The following AADACL3 variants were observed in gnomAD, a reference collection of about 807,000 sequenced individuals.
AADACL3 encodes the protein arylacetamide deacetylase like 3, also known as arylacetamide deacetylase-like 3.
A neutral mutation model predicts 13.6 loss-of-function variants in AADACL3; 13 were observed. The ratio of observed to expected loss-of-function variants is 0.95; its 90% CI spans 0.62 to 1.52. The LOEUF (loss-of-function observed/expected upper bound fraction) is 1.52, where lower values mean the gene tolerates loss of function less well. Among genes scored for constraint, AADACL3 ranks in the 40% most tolerant of loss-of-function variants. The pLI is 0.00. For missense variants in AADACL3, 519 were observed against 499.2 expected (o/e 1.04, Z -0.38); for synonymous variants, 195 against 197.0 (o/e 0.99, Z 0.08).
chr1:12,721,995 C>T (rs1278918932), intron 3 of AADACL3, among the ~76,000 whole-genome samples: 1 of 152,192 alleles, frequency 6.6e-6, no homozygotes, highest in African/African-American at 2.4e-5. Flanking sequence ...GGGGGTACAT[C>T]TGCCAGCTTT....
Position 12,719,478 on chromosome 1 carries a change from A to T in AADACL3, c.172A>T (p.Met58Leu). 1.2e-6 allele frequency: 2 copies of T among 1,613,370 alleles called. No individual in the cohort carries two copies. Among genetic ancestry groups the T allele is most frequent in the Non-Finnish European group, 1.7e-6 (2 of 1,179,364 alleles). Residue 58 changes from methionine (M) to leucine (L), a missense_variant, in exon 2 of 4, where the codon ATG (methionine) becomes TTG (leucine). Transcript: ENST00000359318. ...TCATTTCTTCTCTCTCCAACAGGGG[A>T]TGATATTTGAGAAGCTCAGAATCTG... The part of the protein sequence containing the change: ...CIFQLLLTWG[M>L]IFEKLRICSM...
Position 12,725,718 on chromosome 1 carries a change from A to G in AADACL3, c.946A>G (p.Ser316Gly), listed in dbSNP as rs1638356947. 7.4e-6 allele frequency: 12 copies of G among 1,613,984 alleles called. No homozygotes were observed. Among genetic ancestry groups the G allele is most frequent in the Non-Finnish European group, 1.0e-5 (12 of 1,180,026 alleles). Residue 316 changes from serine to glycine, a missense_variant, in exon 4 of 4, where the codon AGT becomes GGT. Transcript: ENST00000359318. ...PMNEAAYLEV[S>G]VVLDVMCSPL... ...GAATGAAGCTGCTTACTTGGAAGTA[A>G]GTGTTGTCCTGGATGTGATGTGCTC...
At position 12,726,824 on chromosome 1, in the gene AADACL3, G is replaced by C. The variant is rs1275818986; in HGVS notation, c.*828G>C. On this transcript the variant is annotated 3_prime_UTR_variant, in exon 4 of 4. Transcript: ENST00000359318. ...AACCCTGTCCACAGTGCAAAGTCAA[G>C]ACAGCCAAAGGAACAGAAGATGTAT... 1 of 152,234 alleles carries C rather than the reference G, an allele frequency of 6.6e-6. No individual in the cohort carries two copies. Among genetic ancestry groups the C allele is most frequent in the African/African-American group, 2.4e-5 (1 of 41,458 alleles). 9.4% of individuals were successfully genotyped at this position (152,234 alleles called of 1,614,324 possible).
chr1:12,723,742 G>C (rs1287756211), intron 3 of AADACL3, among the ~76,000 whole-genome samples: 1 of 152,066 alleles, frequency 6.6e-6, no homozygotes, highest in Non-Finnish European at 1.5e-5. Context: ...GCCTCCCAAA[G>C]TGCTGGGATT....
rs1255585886 is a variant in AADACL3 at position 12,727,735 on chromosome 1, G to A, written c.*1739G>A. 6.6e-6 allele frequency: 1 copy of A among 152,268 alleles called. No individual in the cohort carries two copies. The highest frequency in any genetic ancestry group is 1.5e-5 in the Non-Finnish European group (1 of 68,070). The allele number at this position is 152,268 out of a possible 1,614,324, so 9.4% of individuals were successfully genotyped here. On this transcript the variant is annotated 3_prime_UTR_variant, in exon 4 of 4. Transcript: ENST00000359318. ...GTTGGAGAAATAGGAACCATCCCCT[G>A]AAAACACACACTATGGTAGCCACTC...
intron 3 of AADACL3, among the ~76,000 whole-genome samples, chr1:12,722,053 C>T (rs190921397): frequency 5.3e-5 from 8 of 152,236 alleles, no homozygotes; most frequent in South Asian, 2.1e-4. Context: ...GAGATGAAGC[C>T]GGGTGCAGTG....
intron 3 of AADACL3, among the ~76,000 whole-genome samples, chr1:12,724,652 T>C (rs529359036): frequency 3.3e-5 from 5 of 152,080 alleles, no homozygotes; most frequent in Non-Finnish European, 7.4e-5. Flanking sequence ...GCCCAGCTAA[T>C]TTTTTATACT....
chr1:12,726,201 G>T lies in AADACL3; in HGVS notation c.*205G>T, dbSNP rs1037224746. ...CGTGGTAGAAAAGACAGGTTTGGAG[G>T]TGGGAGTGTGGCTGTCTCTATTCTC... is the stretch of plus-strand genomic sequence containing the variant. On this transcript the variant is annotated 3_prime_UTR_variant, in exon 4 of 4. Transcript: ENST00000359318. The T allele has an allele frequency of 1.0e-5, 6 of 596,234 alleles. No individual in the cohort carries two copies. The highest frequency in any genetic ancestry group is 1.7e-5 in the Non-Finnish European group (6 of 348,166). The allele number at this position is 596,234 out of a possible 1,614,324, so 36.9% of individuals were successfully genotyped here. A position where few individuals can be genotyped will look rare whatever the true frequency, so the allele number is the denominator to read the frequency against.
At chr1:12,725,189 C>T (rs762376735) in intron 3 of AADACL3, 33 bp from the exon 4 acceptor site, 34 of 1,552,964 alleles carry the variant, frequency 2.2e-5, no homozygotes, top group Middle Eastern at 1.7e-4. Flanking sequence ...TCTGCCGGGG[C>T]GTTATCAACT....
chr1:12,721,856 G>A (rs1407670261), intron 3 of AADACL3, among the ~76,000 whole-genome samples: 1 of 152,218 alleles, frequency 6.6e-6, no homozygotes, highest in Non-Finnish European at 1.5e-5. Context: ...AGAGGGCGTG[G>A]TGGGCATGGG....
Position 12,725,727 on chromosome 1 carries a change from C to T in AADACL3, c.955C>T (p.Leu319=), listed in dbSNP as rs755114542. Residue 319 remains leucine (L), a synonymous_variant, in exon 4 of 4, where the codon CTG becomes TTG. Transcript: ENST00000359318. ...EAAYLEVSVV[L]DVMCSPLIAE... Reference sequence around the variant, plus strand: ...TGCTTACTTGGAAGTAAGTGTTGTCCTGGATGTGATGTGCTCGCCCCTGAT... The same window carrying T: ...TGCTTACTTGGAAGTAAGTGTTGTCTTGGATGTGATGTGCTCGCCCCTGAT... 1 of 1,614,136 alleles carries T rather than the reference C, an allele frequency of 6.2e-7. No homozygotes were observed. The highest frequency in any genetic ancestry group is 2.2e-5 in the East Asian group (1 of 44,874).
In AADACL3 at chr1:12,726,575, G is replaced by A. The variant is rs1279929804; in HGVS notation, c.*579G>A. 1 of 152,622 alleles carries A rather than the reference G, an allele frequency of 6.6e-6. No homozygotes were observed. The highest frequency in any genetic ancestry group is 1.5e-5 in the Non-Finnish European group (1 of 68,432). The allele number at this position is 152,622 out of a possible 1,614,324, so 9.5% of individuals were successfully genotyped here. A position where few individuals can be genotyped will look rare whatever the true frequency, so the allele number is the denominator to read the frequency against. On this transcript the variant is annotated 3_prime_UTR_variant, in exon 4 of 4. Transcript: ENST00000359318. Reference sequence around the variant, plus strand: ...ATCAGAGTCTTCACTGTCTGGGCTGGAAACTTTAAGATAGAATGGATAGAG... The same window carrying A: ...ATCAGAGTCTTCACTGTCTGGGCTGAAAACTTTAAGATAGAATGGATAGAG...
At chr1:12,716,873 A>T (rs1648448111) in intron 1 of AADACL3, among the ~76,000 whole-genome samples, 1 of 152,168 alleles carries the variant, frequency 6.6e-6, no homozygotes, top group Admixed American at 6.5e-5. Context: ...CACAAAGTAA[A>T]AGGGTAGCGG....
intron 2 of AADACL3, 57 bp downstream of exon 2, chr1:12,719,748 G>A: frequency 6.7e-7 from 1 of 1,495,668 alleles, no homozygotes; most frequent in Middle Eastern, 2.3e-4. Flanking sequence ...AACATAACTT[G>A]GAAGAATGGG....
rs919456830 is a variant in AADACL3 at position 12,727,667 on chromosome 1, G to A, written c.*1671G>A. The stretch of plus-strand genomic sequence containing the variant: ...CTATGAGGCAGAGAGGAATCCCATT[G>A]GGTGGCTCCTTGCTGCATTCGCAGT... On this transcript the variant is annotated 3_prime_UTR_variant, in exon 4 of 4. Transcript: ENST00000359318. 8 of 152,238 alleles carry A rather than the reference G, an allele frequency of 5.3e-5. No individual in the cohort carries two copies. Among genetic ancestry groups the A allele is most frequent in the Non-Finnish European group, 8.8e-5 (6 of 68,068 alleles). 9.4% of individuals were successfully genotyped at this position (152,238 alleles called of 1,614,324 possible).
chr1:12,716,321 A>G lies in AADACL3; in HGVS notation c.145A>G (p.Ile49Val), dbSNP rs552228879. 17 of 1,614,168 alleles carry G rather than the reference A, an allele frequency of 1.1e-5. No homozygotes were observed. The Admixed American group carries it at 1.2e-4, about 11-fold the overall frequency. Reference protein sequence around the residue: ...HPVKLRVLHCIFQLLLTWGMI... With the variant: ...HPVKLRVLHCVFQLLLTWGMI... ...TGTGAAACTGAGAGTCCTCCATTGC[A>G]TCTTCCAGCTGCTGTTGACTTGGGT... The change falls in exon 1 of 4, where the codon ATC becomes GTC. Residue 49 changes from isoleucine (I) to valine (V), a missense_variant. Physicochemically the swap from Ile to Val is conservative, Grantham distance 29 (BLOSUM62 3). Coordinates refer to ENST00000359318, the MANE Select transcript of AADACL3 (RefSeq NM_001103170.3).
Position 12,716,295 on chromosome 1 carries a change from CT to C in AADACL3, c.120del (p.Val41Ter). 1 of 1,614,122 alleles carries C rather than the reference CT, an allele frequency of 6.2e-7. No individual in the cohort carries two copies. Among genetic ancestry groups the C allele is most frequent in the East Asian group, 2.2e-5 (1 of 44,890 alleles). On this transcript the variant is annotated frameshift_variant, in exon 1 of 4. Transcript: ENST00000359318. LOFTEE classifies it high-confidence loss of function. ...TVHIPAAVGH[P>X]VKLRVLHCIF... is the part of the protein sequence containing the mutation. ...CACATCCCTGCAGCGGTTGGCCACC[CT>C]GTGAAACTGAGAGTCCTCCATTGCA...
At chr1:12,721,694 G>A (rs907472625) in intron 3 of AADACL3, among the ~76,000 whole-genome samples, 1 of 152,158 alleles carries the variant, frequency 6.6e-6, no homozygotes, top group Non-Finnish European at 1.5e-5. Context: ...CAAACAACCC[G>A]AAATGCTGCC....
Position 12,719,670 on chromosome 1 carries a change from G to C in AADACL3, c.364G>C (p.Gly122Arg). The C allele has an allele frequency of 1.2e-6, 2 of 1,614,042 alleles. No individual in the cohort carries two copies. The highest frequency in any genetic ancestry group is 4.5e-5 in the East Asian group (2 of 44,876). Residue 122 changes from glycine (G) to arginine (R), a missense_variant, in exon 2 of 4, where the codon GGG becomes CGG. Coordinates refer to ENST00000359318, the MANE Select transcript of AADACL3 (RefSeq NM_001103170.3). The part of the protein sequence containing the change: ...KPGIVYYHGG[G>R]GVMGSLKTHH... Reference sequence around the variant, plus strand: ...TGGCATCGTGTACTACCACGGTGGCGGGGGCGTCATGGGGAGTTTGAGTAA... The same window carrying C: ...TGGCATCGTGTACTACCACGGTGGCCGGGGCGTCATGGGGAGTTTGAGTAA...
Sources: gnomAD v4.1 joint callset for allele counts (sites outside exome capture counted in the v4.1 genomes callset) on GRCh38, gnomAD v4.1.1 for gene constraint, MANE v1.5 for transcripts, NCBI Gene and HGNC (gene_info 2026-07-23, HGNC 2026-07-21) for gene names.